The following RPA3 variants were observed in gnomAD, a reference collection of about 807,000 sequenced individuals.
The protein encoded by RPA3 is replication protein A 14 kDa subunit.
RPA3 carries 24 observed loss-of-function variants against 13.7 expected under a neutral mutation model. The observed-to-expected ratio is 1.75, with a 90% confidence interval of 1.27 to 2.46. RPA3 has a LOEUF of 2.46. Ranked by LOEUF, RPA3 falls within the 30% of genes most tolerant of loss-of-function variation. The pLI, the probability that RPA3 is intolerant of heterozygous loss-of-function variation, is 0.00. For missense variants in RPA3, 183 were observed against 151.0 expected, an observed-to-expected ratio of 1.21 and a Z score of -1.11; for synonymous variants, 59 against 51.2, an observed-to-expected ratio of 1.15 and a Z score of -0.65.
chr7:7,656,955 C>A (rs1785358418), intron 4 of RPA3, among the ~76,000 whole-genome samples: 1 of 152,194 alleles, frequency 6.6e-6, no homozygotes. Context: ...CTTCCTATTT[C>A]TACACATCCT....
chr7:7,701,928 A>T (rs1416635759), intron 2 of RPA3, among the ~76,000 whole-genome samples: 1 of 151,862 alleles, frequency 6.6e-6, no homozygotes, highest in East Asian at 1.9e-4. Context: ...CATCAGCTAT[A>T]CCTCCCTTTT....
chr7:7,665,595 T>G (rs1384411920), intron 4 of RPA3, among the ~76,000 whole-genome samples: 3 of 152,216 alleles, frequency 2.0e-5, no homozygotes, highest in Non-Finnish European at 4.4e-5. Context: ...GTGCTTATAC[T>G]GCTGAAACAG....
At chr7:7,659,760 A>G (rs753020706) in intron 4 of RPA3, among the ~76,000 whole-genome samples, 73 of 152,312 alleles carry the variant, frequency 4.8e-4, no homozygotes, top group Admixed American at 1.3e-3. Flanking sequence ...TGTGGTGCTG[A>G]GAAGAATGCA....
chr7:7,656,139 C>G (rs962968307), intron 4 of RPA3, among the ~76,000 whole-genome samples: 2 of 152,012 alleles, frequency 1.3e-5, no homozygotes, highest in East Asian at 3.9e-4. Context: ...CTGGCCAGGA[C>G]AGGCTCTCTT....
At chr7:7,705,778 T>A (rs1162583054) in intron 2 of RPA3, among the ~76,000 whole-genome samples, 1 of 152,162 alleles carries the variant, frequency 6.6e-6, no homozygotes, top group African/African-American at 2.4e-5. Flanking sequence ...TGAACCCTAA[T>A]GTAAAATATG....
At chr7:7,642,143 AT>A (rs542199324) in intron 4 of RPA3, among the ~76,000 whole-genome samples, 5 of 151,058 alleles carry the variant, frequency 3.3e-5, no homozygotes, top group Admixed American at 2.6e-4. Flanking sequence ...CTTTAATAGC[AT>A]TTTTTTTTGA....
At chr7:7,713,925 C>G (rs1032317916) in intron 2 of RPA3, among the ~76,000 whole-genome samples, 1 of 152,150 alleles carries the variant, frequency 6.6e-6, no homozygotes, top group African/African-American at 2.4e-5. Flanking sequence ...GCCTCGACCT[C>G]CTAGTCTCAA....
chr7:7,706,752 G>A (rs1780611550), intron 2 of RPA3, among the ~76,000 whole-genome samples: 1 of 152,182 alleles, frequency 6.6e-6, no homozygotes, highest in Non-Finnish European at 1.5e-5. Context: ...GTTAGTAAGT[G>A]ACAGCTGGGA....
At chr7:7,702,764 C>T (rs80195489) in intron 2 of RPA3, among the ~76,000 whole-genome samples, 2,841 of 152,118 alleles carry the variant, frequency 0.019, 89 homozygotes, top group African/African-American at 0.065. Flanking sequence ...CAAGCCACTC[C>T]ATCTGCCAGT....
chr7:7,699,864 A>G (rs982144682), intron 2 of RPA3, among the ~76,000 whole-genome samples: 1 of 152,222 alleles, frequency 6.6e-6, no homozygotes, highest in Non-Finnish European at 1.5e-5. Flanking sequence ...TCTGGGTTAT[A>G]AGTAATACTG....
rs543458359 is a variant in RPA3, at chr7:7,657,182, G to T, written c.-757-16007C>A. 2.6e-5 allele frequency among the ~76,000 whole-genome samples: 4 copies of T among 152,100 alleles called. No individual in the cohort carries two copies. The East Asian group carries it at 7.8e-4, about 29-fold the overall frequency. On this transcript the variant is annotated intron_variant, in intron 4 of 7. Coordinates refer to ENST00000223129, the MANE Select transcript of RPA3 (RefSeq NM_002947.5). ...GGGGTTGTTTTTTTCTTGTAAATTT[G>T]TTTAAATTCTTTCTAGAGTCTGGGT... is the stretch of plus-strand genomic sequence containing the variant.
rs543460846 is a variant in RPA3, at chr7:7,717,741, G to T, written c.-1080+774C>A. The stretch of plus-strand genomic sequence containing the variant: ...TGCAGTTTAACAAAGAAGTTAGTTT[G>T]TCATTGTATAGTTCAGGAACTCTGG... On this transcript the variant is annotated intron_variant, in intron 1 of 7. Transcript: ENST00000223129. 7.9e-5 allele frequency among the ~76,000 whole-genome samples: 12 copies of T among 152,292 alleles called. 1 individual carries two copies. Among genetic ancestry groups the T allele is most frequent in the African/African-American group, 2.9e-4 (12 of 41,566 alleles).
chr7:7,684,836 C>G (rs753739622), intron 4 of RPA3, among the ~76,000 whole-genome samples: 4 of 152,178 alleles, frequency 2.6e-5, no homozygotes, highest in Non-Finnish European at 5.9e-5. Flanking sequence ...TGTTTTAATA[C>G]AACTATTTGG....
intron 4 of RPA3, among the ~76,000 whole-genome samples, chr7:7,654,472 C>G (rs1238502487): frequency 6.6e-6 from 1 of 152,216 alleles, no homozygotes; most frequent in East Asian, 1.9e-4. Flanking sequence ...CCAGGACTTC[C>G]TGCTGATACC....
chr7:7,648,372 G>T (rs1419275423), intron 4 of RPA3, among the ~76,000 whole-genome samples: 1 of 152,174 alleles, frequency 6.6e-6, no homozygotes, highest in Non-Finnish European at 1.5e-5. Flanking sequence ...TGGCCTGACA[G>T]CTTTAACTTT....
At position 7,643,130 on chromosome 7, in the gene RPA3, A is replaced by T. The variant is rs558753967; in HGVS notation, c.-757-1955T>A. Among the ~76,000 whole-genome samples, 37 of 152,288 alleles carry T rather than the reference A, an allele frequency of 2.4e-4. No homozygotes were observed. The South Asian group carries it at 3.5e-3, about 15-fold the overall frequency. Reference sequence around the variant, plus strand: ...CGAATTTGCTTCTCTAAAAATGATAATTCTGCAGCGCCAGGGAGAGGCCAT... The same window carrying T: ...CGAATTTGCTTCTCTAAAAATGATATTTCTGCAGCGCCAGGGAGAGGCCAT... On this transcript the variant is annotated intron_variant, in intron 4 of 7. Coordinates refer to ENST00000223129, the MANE Select transcript of RPA3 (RefSeq NM_002947.5).
intron 4 of RPA3, among the ~76,000 whole-genome samples, chr7:7,677,654 C>T (rs555764293): frequency 5.1e-5 from 7 of 136,024 alleles, no homozygotes; most frequent in Non-Finnish European, 9.5e-5. Context: ...ATCTATTCAT[C>T]TGTTTTTTTG....
In RPA3 at chr7:7,636,671, G is replaced by T. The variant is rs17169165; in HGVS notation, c.*329C>A. The stretch of plus-strand genomic sequence containing the variant: ...CTTATGGCTATGAAATTTCAAGTTT[G>T]TGCTTGAATACATGATTAAAAGAAT... On this transcript the variant is annotated 3_prime_UTR_variant, in exon 8 of 8. Transcript: ENST00000223129. 3,768 of 207,506 alleles carry T rather than the reference G, an allele frequency of 0.018. 138 individuals are homozygous for T. The highest frequency in any genetic ancestry group is 0.083 in the African/African-American group (3,511 of 42,540). The allele number at this position is 207,506 out of a possible 1,614,324, so 12.9% of individuals were successfully genotyped here.
At chr7:7,701,621 G>C (rs764457748) in intron 2 of RPA3, among the ~76,000 whole-genome samples, 1 of 152,066 alleles carries the variant, frequency 6.6e-6, no homozygotes, top group Non-Finnish European at 1.5e-5. Flanking sequence ...GACCTTATGG[G>C]TCTTGCTTAT....
Sources: allele counts gnomAD v4.1 joint callset (sites outside exome capture counted in the v4.1 genomes callset), GRCh38; gene constraint gnomAD v4.1.1; transcripts MANE v1.5; gene names NCBI Gene and HGNC (gene_info 2026-07-23, HGNC 2026-07-21).